The following KIRREL3 variants were observed in gnomAD, a reference collection of about 807,000 sequenced individuals.
KIRREL3 encodes the protein kirre like nephrin family adhesion molecule 3, also known as kin of IRRE-like protein 3.
In KIRREL3, 36 loss-of-function variants were observed where a neutral mutation model predicts 89.7. The observed-to-expected ratio is 0.40, with a 90% CI of 0.31 to 0.53. The LOEUF (loss-of-function observed/expected upper bound fraction) is 0.53. Ranked by LOEUF, KIRREL3 falls within the 20% of genes least tolerant of loss-of-function variation. KIRREL3 has a pLI of 0.49. For synonymous variants in KIRREL3, 445 were observed against 441.4 expected, an observed-to-expected ratio of 1.01 and a Z score of -0.10; for missense variants, 864 against 1,056.6, an observed-to-expected ratio of 0.82 and a Z score of 2.53.
Position 126,919,033 on chromosome 11 carries a change from T to C in KIRREL3, c.55+81422A>G, listed in dbSNP as rs147678258. ...TGTATATATGTATTATTATGTGTAT[T>C]AATACTATATTATATATAATATGAT... On this transcript the variant is annotated intron_variant, in intron 1 of 16. Coordinates refer to ENST00000525144, the MANE Select transcript of KIRREL3 (RefSeq NM_032531.4). Among the ~76,000 whole-genome samples the C allele has an allele frequency of 8.7e-4, 130 of 150,164 alleles. 1 individual carries two copies. Among genetic ancestry groups the C allele is most frequent in the African/African-American group, 3.1e-3 (126 of 41,122 alleles).
rs200601039 is a variant in KIRREL3 at position 126,647,392 on chromosome 11, C to T, written c.56-84480G>A. Among the ~76,000 whole-genome samples the T allele has an allele frequency of 2.0e-5, 3 of 152,334 alleles. No individual in the cohort carries two copies. The East Asian group carries it at 5.8e-4, about 29-fold the overall frequency. On this transcript the variant is annotated intron_variant, in intron 1 of 16. Coordinates refer to ENST00000525144, the MANE Select transcript of KIRREL3 (RefSeq NM_032531.4). This position sits in a 1 kb window ranked among gnomAD's most constrained non-coding sequence, Gnocchi z 4.9. Reference sequence around the variant, plus strand: ...AGGAAACCCAGCCCCAGGAGGGAGACTGAGATATATGAGGTATACCCCTTT... The same window carrying T: ...AGGAAACCCAGCCCCAGGAGGGAGATTGAGATATATGAGGTATACCCCTTT...
intron 4 of KIRREL3, among the ~76,000 whole-genome samples, chr11:126,514,185 C>T (rs981849907): frequency 6.6e-6 from 1 of 152,122 alleles, no homozygotes. Flanking sequence ...TGTGGAACCT[C>T]AGGAGATAAG....
rs201964813 is a variant in KIRREL3, at chr11:126,990,425, G to GC, written c.55+10029dup. The stretch of plus-strand genomic sequence containing the variant: ...TCACCACCCAGAGGCGAGGAGGAGA[G>GC]CCCCCCATCCCTCCCGTCCCTTCCC... On this transcript the variant is annotated intron_variant, in intron 1 of 16. Transcript: ENST00000525144. This position sits in a 1 kb window ranked among gnomAD's most constrained non-coding sequence, Gnocchi z 6.3. Among the ~76,000 whole-genome samples, 3 of 150,300 alleles carry GC rather than the reference G, an allele frequency of 2.0e-5. No homozygotes were observed. Among genetic ancestry groups the GC allele is most frequent in the Non-Finnish European group, 4.4e-5 (3 of 67,872 alleles).
chr11:126,856,566 TATATATATATATATATATATA>T (rs1944517605), intron 1 of KIRREL3, among the ~76,000 whole-genome samples: 2 of 4,920 alleles, frequency 4.1e-4, no homozygotes, highest in Admixed American at 6.4e-3. Flanking sequence ...TATATATATA[TATATATATATATATATATATA>T]TATATATATG....
chr11:126,595,723 C>T (rs1258905780), intron 1 of KIRREL3, among the ~76,000 whole-genome samples: 4 of 152,150 alleles, frequency 2.6e-5, no homozygotes, highest in Non-Finnish European at 5.9e-5. Flanking sequence ...AAGGCACCTG[C>T]AGCCAGGCCA....
Position 126,440,433 on chromosome 11 carries a change from T to A in KIRREL3, c.1353+16A>T. The A allele has an allele frequency of 6.4e-7, 1 of 1,557,152 alleles. No homozygotes were observed. The highest frequency in any genetic ancestry group is 8.7e-7 in the Non-Finnish European group (1 of 1,151,544). ...CTGCTGGCCCGGCCCCCGCCCGCCG[T>A]CCCTGGAGCACTCACGATGCGGTCC... On this transcript the variant is annotated intron_variant, in intron 11 of 16. Coordinates refer to ENST00000525144, the MANE Select transcript of KIRREL3 (RefSeq NM_032531.4).
At chr11:126,509,660 C>T (rs1209625743) in intron 4 of KIRREL3, among the ~76,000 whole-genome samples, 1 of 152,178 alleles carries the variant, frequency 6.6e-6, no homozygotes, top group African/African-American at 2.4e-5. Flanking sequence ...CACTTTCCTG[C>T]CTTGTGGCAT....
chr11:126,555,178 G>T lies in KIRREL3; in HGVS notation c.133+7657C>A, dbSNP rs1939609153. On this transcript the variant is annotated intron_variant, in intron 2 of 16. Coordinates refer to ENST00000525144, the MANE Select transcript of KIRREL3 (RefSeq NM_032531.4). The surrounding 1 kb of genome is among the most constrained non-coding windows in gnomAD (Gnocchi z 4.2). ...GTGGGGCCGCACAGAGCCTGCTTCT[G>T]CCAGAGATGAGTGACTGGCCGGTTC... Among the ~76,000 whole-genome samples the T allele has an allele frequency of 6.6e-6, 1 of 152,266 alleles. No individual in the cohort carries two copies. The highest frequency in any genetic ancestry group is 2.1e-4 in the South Asian group (1 of 4,818).
intron 1 of KIRREL3, among the ~76,000 whole-genome samples, chr11:126,735,736 C>G (rs988378852): frequency 6.6e-6 from 1 of 152,232 alleles, no homozygotes; most frequent in South Asian, 2.1e-4. Context: ...TTAGGCAGAA[C>G]CAAACCAAAG....
In KIRREL3 at chr11:126,909,411, C is replaced by G. The variant is rs549627616; in HGVS notation, c.55+91044G>C. Among the ~76,000 whole-genome samples the G allele has an allele frequency of 6.6e-6, 1 of 152,220 alleles. No homozygotes were observed. The highest frequency in any genetic ancestry group is 1.5e-5 in the Non-Finnish European group (1 of 68,030). On this transcript the variant is annotated intron_variant, in intron 1 of 16. Transcript: ENST00000525144. This position sits in a 1 kb window ranked among gnomAD's most constrained non-coding sequence, Gnocchi z 4.5. ...CATATCTGTAGCTCCACCTCAGGCA[C>G]GGTGCCCAGCTCCCAGCATACCCAC...
rs1948916102 is a variant in KIRREL3, at chr11:126,739,691, C to T, written c.56-176779G>A. ...GTGTGGAGGTACTATGCAGGCAAAC[C>T]AGCCCACAAGGGATGCTCTGGTCAC... On this transcript the variant is annotated intron_variant, in intron 1 of 16. Transcript: ENST00000525144. The surrounding 1 kb of genome is among the most constrained non-coding windows in gnomAD (Gnocchi z 5.5). Among the ~76,000 whole-genome samples, 2 of 152,206 alleles carry T rather than the reference C, an allele frequency of 1.3e-5. No homozygotes were observed. Among genetic ancestry groups the T allele is most frequent in the African/African-American group, 4.8e-5 (2 of 41,460 alleles).
intron 4 of KIRREL3, among the ~76,000 whole-genome samples, chr11:126,514,874 C>CAACACAACACAACACAACAA (rs869201367): frequency 1.3e-4 from 18 of 139,294 alleles, no homozygotes; most frequent in African/African-American, 5.7e-4. Flanking sequence ...CAACAAAACA[C>CAACACAACACAACACAACAA]AATTGTCATC....
In KIRREL3 at chr11:126,965,043, A is replaced by G. The variant is rs1411891690; in HGVS notation, c.55+35412T>C. Among the ~76,000 whole-genome samples, 14 of 152,168 alleles carry G rather than the reference A, an allele frequency of 9.2e-5. 1 individual carries two copies. The highest frequency in any genetic ancestry group is 8.5e-4 in the Admixed American group (13 of 15,276). Reference sequence around the variant, plus strand: ...GATGCATAAAAGTGTTGTACTCCCAACTCAACAGATGGGATATTAGAGCCA... The same window carrying G: ...GATGCATAAAAGTGTTGTACTCCCAGCTCAACAGATGGGATATTAGAGCCA... On this transcript the variant is annotated intron_variant, in intron 1 of 16. Coordinates refer to ENST00000525144, the MANE Select transcript of KIRREL3 (RefSeq NM_032531.4). This position sits in a 1 kb window ranked among gnomAD's most constrained non-coding sequence, Gnocchi z 4.4.
rs376688119 is a variant in KIRREL3, at chr11:126,960,276, AG to A, written c.55+40178del. Among the ~76,000 whole-genome samples, 127 of 152,350 alleles carry A rather than the reference AG, an allele frequency of 8.3e-4. 1 individual carries two copies. The highest frequency in any genetic ancestry group is 2.9e-3 in the African/African-American group (121 of 41,578). On this transcript the variant is annotated intron_variant, in intron 1 of 16. Transcript: ENST00000525144. ...AGAAACAAGCAGTTATCTTAAGAGC[AG>A]GGTAGTTTAATATCCTAACTACCTA...
intron 2 of KIRREL3, chr11:126,549,754 C>T (rs1340904914): frequency 3.3e-5 from 5 of 152,190 alleles, no homozygotes; most frequent in Admixed American, 3.3e-4. Context: ...CTGTCCAAGT[C>T]ACTGGGTCCC....
At chr11:126,959,430 ATGT>A (rs762348870) in intron 1 of KIRREL3, among the ~76,000 whole-genome samples, 29 of 152,052 alleles carry the variant, frequency 1.9e-4, no homozygotes, top group Admixed American at 1.6e-3. Context: ...ATACCCCTAA[ATGT>A]TGTTGTTGTT....
rs1355851297 is a variant in KIRREL3, at chr11:126,475,300, C to T, written c.434-1834G>A. Among the ~76,000 whole-genome samples, 3 of 152,176 alleles carry T rather than the reference C, an allele frequency of 2.0e-5. No homozygotes were observed. Among genetic ancestry groups the T allele is most frequent in the Non-Finnish European group, 4.4e-5 (3 of 68,020 alleles). On this transcript the variant is annotated intron_variant, in intron 4 of 16. Coordinates refer to ENST00000525144, the MANE Select transcript of KIRREL3 (RefSeq NM_032531.4). This position sits in a 1 kb window ranked among gnomAD's most constrained non-coding sequence, Gnocchi z 7.5. ...CAGCCTCAGCCTGCATGGGAACTTC[C>T]CTCCCCTTCTCAGGGGATCGCCCCG...
chr11:126,451,458 A>C (rs1397731432), intron 7 of KIRREL3, among the ~76,000 whole-genome samples: 3 of 114,756 alleles, frequency 2.6e-5, no homozygotes, highest in African/African-American at 1.0e-4. Flanking sequence ...GTGCATGCGC[A>C]TGTGTGGGCA....
At chr11:126,602,425 C>T (rs370557456) in intron 1 of KIRREL3, among the ~76,000 whole-genome samples, 4 of 152,170 alleles carry the variant, frequency 2.6e-5, no homozygotes, top group Admixed American at 6.5e-5. Context: ...TTGTCCGGTG[C>T]CTCGTCGTCG....
Sources: gnomAD v4.1 joint callset for allele counts (sites outside exome capture counted in the v4.1 genomes callset) on GRCh38, gnomAD v4.1.1 for gene constraint, Gnocchi (gnomAD v3.1) non-coding constraint, MANE v1.5 for transcripts, NCBI Gene and HGNC (gene_info 2026-07-23, HGNC 2026-07-21) for gene names.